HMOX1: variants seen among roughly 807,000 people sequenced by gnomAD.
The protein encoded by HMOX1 is heme oxygenase 1.
HMOX1 carries 22 observed loss-of-function variants against 27.8 expected under a neutral mutation model. The observed-to-expected ratio is 0.79, with a 90% CI of 0.57 to 1.13. HMOX1 has a LOEUF of 1.13. Ranked by LOEUF, HMOX1 falls within the 50% of genes most tolerant of loss-of-function variation. The pLI is 0.00. For missense variants in HMOX1, 379 were observed against 377.7 expected (o/e 1.00, Z -0.03); for synonymous variants, 153 against 151.6 (o/e 1.01, Z -0.07).
chr22:35,389,225 C>CT (rs1334433532), intron 3 of HMOX1, among the ~76,000 whole-genome samples: 1 of 127,448 alleles, frequency 7.8e-6, no homozygotes, highest in African/African-American at 3.6e-5. Context: ...CTCTTTCTTT[C>CT]TTTCTTTCTT....
intron 3 of HMOX1, among the ~76,000 whole-genome samples, chr22:35,389,362 TCCTTC>T (rs1931629228): frequency 1.8e-5 from 1 of 56,594 alleles, no homozygotes; most frequent in Non-Finnish European, 3.1e-5. Flanking sequence ...CTTCCTTCCT[TCCTTC>T]CTTCCTTCCT....
rs1308512619 is a variant in HMOX1 at position 35,387,053 on chromosome 22, C to G, written c.513C>G (p.Asn171Lys). The change falls in exon 3 of 5, where the codon AAC becomes AAG. Residue 171 changes from asparagine (N) to lysine (K), a missense_variant. Transcript: ENST00000216117. ...GEGLAFFTFP[N>K]IASATKFKQL... is the part of the protein sequence containing the mutation. ...GCCTGGCCTTCTTCACCTTCCCCAACATTGCCAGTGCCACCAAGTTCAAGC... is the reference window on the plus strand; with the variant it reads ...GCCTGGCCTTCTTCACCTTCCCCAAGATTGCCAGTGCCACCAAGTTCAAGC... 6.2e-7 allele frequency: 1 copy of G among 1,613,708 alleles called. No individual in the cohort carries two copies. The highest frequency in any genetic ancestry group is 1.7e-5 in the Admixed American group (1 of 60,036).
At chr22:35,384,330 C>T (rs1032374031) in intron 2 of HMOX1, among the ~76,000 whole-genome samples, 9 of 152,048 alleles carry the variant, frequency 5.9e-5, no homozygotes, top group East Asian at 1.9e-4. Context: ...ATGATCCACC[C>T]GTCTTGGTCT....
chr22:35,381,349 C>T, intron 1 of HMOX1, 153 bp downstream of exon 1: 2 of 851,718 alleles, frequency 2.3e-6, no homozygotes, highest in South Asian at 1.6e-5. Flanking sequence ...TCTGATCCTG[C>T]CTGTGCCCGT....
intron 3 of HMOX1, among the ~76,000 whole-genome samples, chr22:35,389,556 C>T (rs1931661286): frequency 1.3e-5 from 2 of 151,400 alleles, no homozygotes; most frequent in South Asian, 4.2e-4. Context: ...ATTTCTCCTG[C>T]CTCAGCCTCC....
rs11912348 is a variant in HMOX1, at chr22:35,387,143, A to G, written c.603A>G (p.Glu201=). 1.2e-3 allele frequency: 1,903 copies of G among 1,613,582 alleles called. 20 individuals carry two copies. The African/African-American group carries it at 0.022, about 18-fold the overall frequency. The part of the protein sequence containing the change: ...MTPAVRQRVI[E]EAKTAFLLNI... ...CCGCAGTCAGGCAGAGGGTGATAGA[A>G]GAGGCCAAGACTGCGTTCCTGCTCA... Residue 201 remains glutamate, a synonymous_variant, in exon 3 of 5, where the codon GAA becomes GAG. Transcript: ENST00000216117.
rs1450886794 is a variant in HMOX1 at position 35,393,586 on chromosome 22, T to G, written c.855T>G (p.Leu285=). 1.2e-6 allele frequency: 2 copies of G among 1,614,076 alleles called. No homozygotes were observed. Among genetic ancestry groups the G allele is most frequent in the Non-Finnish European group, 1.7e-6 (2 of 1,180,028 alleles). The change falls in exon 5 of 5, where the codon CTT becomes CTG. Residue 285 remains leucine, a synonymous_variant. Transcript: ENST00000216117. The stretch of plus-strand genomic sequence containing the variant: ...TGGTGGCGACAGTTGCTGTAGGGCT[T>G]TATGCCATGTGAATGCAGGCATGCT... The part of the protein sequence containing the change: ...SFLVATVAVG[L]YAM
At chr22:35,389,395 C>CCTTCCTTCCTTCCTTCCTTT (rs1555901604) in intron 3 of HMOX1, among the ~76,000 whole-genome samples, 13 of 51,800 alleles carry the variant, frequency 2.5e-4, no homozygotes, top group East Asian at 1.7e-3. Context: ...TTCCTTCCTT[C>CCTTCCTTCCTTCCTTCCTTT]CTTTCTTTCT....
At chr22:35,383,405 A>C (rs944062626) in intron 2 of HMOX1, among the ~76,000 whole-genome samples, 179 bp downstream of exon 2, 2 of 152,230 alleles carry the variant, frequency 1.3e-5, no homozygotes, top group East Asian at 3.8e-4. Flanking sequence ...CCAAGGTCAC[A>C]CAGCAAGTTC....
intron 2 of HMOX1, among the ~76,000 whole-genome samples, chr22:35,383,459 G>GT (rs1264044163): frequency 6.6e-6 from 1 of 152,176 alleles, no homozygotes; most frequent in Admixed American, 6.5e-5. Context: ...CAGCAGTGCC[G>GT]TTGACTGAGC....
intron 3 of HMOX1, among the ~76,000 whole-genome samples, chr22:35,388,424 C>A (rs972608471): frequency 6.6e-5 from 10 of 151,940 alleles, no homozygotes; most frequent in Non-Finnish European, 5.9e-5. Flanking sequence ...TGCACTCCAG[C>A]CTGGGCAACG....
rs759671776 is a variant in HMOX1, at chr22:35,393,649, T to G, written c.*51T>G. Reference sequence around the variant, plus strand: ...CATGAACTTTGTCCGGTGGAAGGCCTTCTTTCTAGAGAGGGAATTCTCTTG... The same window carrying G: ...CATGAACTTTGTCCGGTGGAAGGCCGTCTTTCTAGAGAGGGAATTCTCTTG... On this transcript the variant is annotated 3_prime_UTR_variant, in exon 5 of 5. Coordinates refer to ENST00000216117, the MANE Select transcript of HMOX1 (RefSeq NM_002133.3). 2 of 1,611,596 alleles carry G rather than the reference T, an allele frequency of 1.2e-6. No homozygotes were observed. Among genetic ancestry groups the G allele is most frequent in the South Asian group, 2.2e-5 (2 of 90,968 alleles).
intron 4 of HMOX1, 61 bp downstream of exon 4, chr22:35,390,024 G>A: frequency 1.0e-5 from 11 of 1,078,190 alleles, no homozygotes; most frequent in Non-Finnish European, 1.4e-5. Context: ...TTGGCTGTCT[G>A]ACTGTAGTAT....
rs894731419 is a variant in HMOX1 at position 35,393,646 on chromosome 22, G to A, written c.*48G>A. 6 of 1,612,146 alleles carry A rather than the reference G, an allele frequency of 3.7e-6. No homozygotes were observed. The highest frequency in any genetic ancestry group is 4.5e-5 in the East Asian group (2 of 44,840). Reference sequence around the variant, plus strand: ...GGCCATGAACTTTGTCCGGTGGAAGGCCTTCTTTCTAGAGAGGGAATTCTC... The same window carrying A: ...GGCCATGAACTTTGTCCGGTGGAAGACCTTCTTTCTAGAGAGGGAATTCTC... On this transcript the variant is annotated 3_prime_UTR_variant, in exon 5 of 5. Coordinates refer to ENST00000216117, the MANE Select transcript of HMOX1 (RefSeq NM_002133.3).
chr22:35,383,935 A>G (rs1931446484), intron 2 of HMOX1, among the ~76,000 whole-genome samples: 1 of 152,152 alleles, frequency 6.6e-6, no homozygotes, highest in South Asian at 2.1e-4. Flanking sequence ...CTGGGTGTTA[A>G]AACATCAGCG....
rs935874465 is a variant in HMOX1, at chr22:35,393,534, T to C, written c.803T>C (p.Leu268Pro). 6.2e-7 allele frequency: 1 copy of C among 1,614,216 alleles called. No homozygotes were observed. The highest frequency in any genetic ancestry group is 1.3e-5 in the African/African-American group (1 of 75,054). Residue 268 changes from leucine to proline, a missense_variant, in exon 5 of 5, where the codon CTC becomes CCC. Leu to Pro is a moderately conservative substitution (Grantham distance 98). Coordinates refer to ENST00000216117, the MANE Select transcript of HMOX1 (RefSeq NM_002133.3). Reference protein sequence around the residue: ...PLNTRSQAPLLRWVLTLSFLV... With the variant: ...PLNTRSQAPLPRWVLTLSFLV... ...AACACCCGCTCCCAGGCTCCGCTTC[T>C]CCGATGGGTCCTTACACTCAGCTTT...
intron 3 of HMOX1, among the ~76,000 whole-genome samples, chr22:35,389,264 CT>C (rs1931604045): frequency 8.1e-6 from 1 of 124,002 alleles, no homozygotes; most frequent in Non-Finnish European, 1.6e-5. Context: ...CTCTCTCTCT[CT>C]CTCTCTCTCC....
Position 35,387,047 on chromosome 22 carries a change from C to T in HMOX1, c.507C>T (p.Phe169=), listed in dbSNP as rs1931528197. 1 of 1,613,694 alleles carries T rather than the reference C, an allele frequency of 6.2e-7. No homozygotes were observed. Among genetic ancestry groups the T allele is most frequent in the Non-Finnish European group, 8.5e-7 (1 of 1,180,038 alleles). ...SSGEGLAFFT[F]PNIASATKFK... Reference sequence around the variant, plus strand: ...GCGAGGGCCTGGCCTTCTTCACCTTCCCCAACATTGCCAGTGCCACCAAGT... The same window carrying T: ...GCGAGGGCCTGGCCTTCTTCACCTTTCCCAACATTGCCAGTGCCACCAAGT... Residue 169 remains phenylalanine, a synonymous_variant, in exon 3 of 5, where the codon TTC becomes TTT. Coordinates refer to ENST00000216117, the MANE Select transcript of HMOX1 (RefSeq NM_002133.3).
Position 35,393,730 on chromosome 22 carries a change from G to T in HMOX1, c.*132G>T, listed in dbSNP as rs757798115. ...TTTCAGGGCCTCCAGCCCTCTCACT[G>T]TGTCCCTCTCTCTGGAAAGGAGGAA... On this transcript the variant is annotated 3_prime_UTR_variant, in exon 5 of 5. Coordinates refer to ENST00000216117, the MANE Select transcript of HMOX1 (RefSeq NM_002133.3). 1 of 1,070,728 alleles carries T rather than the reference G, an allele frequency of 9.3e-7. No homozygotes were observed. The highest frequency in any genetic ancestry group is 1.4e-6 in the Non-Finnish European group (1 of 696,310). The allele number at this position is 1,070,728 out of a possible 1,614,324, so 66.3% of individuals were successfully genotyped here.
Sources: allele counts gnomAD v4.1 joint callset (sites outside exome capture counted in the v4.1 genomes callset), GRCh38; gene constraint gnomAD v4.1.1; transcripts MANE v1.5; gene names NCBI Gene and HGNC (gene_info 2026-07-23, HGNC 2026-07-21).